GLI3: variants seen among roughly 807,000 people sequenced by gnomAD.
The protein encoded by GLI3 is transcription activator GLI3.
GLI3 carries 20 observed loss-of-function variants against 100.8 expected under a neutral mutation model. That is an observed-to-expected ratio of 0.20 (90% confidence interval 0.14 to 0.29). The LOEUF (loss-of-function observed/expected upper bound fraction) is 0.29. Ranked by LOEUF, GLI3 falls within the 10% of genes least tolerant of loss-of-function variation. The probability of loss-of-function intolerance (pLI) is 1.00; values close to 1 mark genes in which losing one functional copy is unlikely to be tolerated. For synonymous variants in GLI3, 938 were observed against 860.5 expected (o/e 1.09, Z -1.58); for missense variants, 2,040 against 2,128.5 (o/e 0.96, Z 0.82).
chr7:42,114,770 C>T lies in GLI3; in HGVS notation c.367+33456G>A, dbSNP rs868804501. The stretch of plus-strand genomic sequence containing the variant: ...AGGCTGGAGTGCAGTGGTGTGATCT[C>T]GGCTCACTGCAACCTCCGCCTCCCA... On this transcript the variant is annotated intron_variant, in intron 3 of 14. Coordinates refer to ENST00000395925, the MANE Select transcript of GLI3 (RefSeq NM_000168.6). Among the ~76,000 whole-genome samples the T allele has an allele frequency of 3.3e-5, 5 of 151,892 alleles. 1 individual carries two copies. Among genetic ancestry groups the T allele is most frequent in the African/African-American group, 4.8e-5 (2 of 41,326 alleles).
At chr7:41,997,353 A>G (rs187422874) in intron 10 of GLI3, among the ~76,000 whole-genome samples, 1 of 152,254 alleles carries the variant, frequency 6.6e-6, no homozygotes, top group Non-Finnish European at 1.5e-5. Context: ...GCTGGACTTT[A>G]CCAACTTTGC....
At chr7:42,144,768 A>G (rs1786661419) in intron 3 of GLI3, among the ~76,000 whole-genome samples, 1 of 152,196 alleles carries the variant, frequency 6.6e-6, no homozygotes, top group African/African-American at 2.4e-5. Context: ...AGAAACACAA[A>G]TTAGGCATCT....
intron 3 of GLI3, among the ~76,000 whole-genome samples, chr7:42,087,984 C>T (rs550849214): frequency 1.3e-5 from 2 of 152,270 alleles, no homozygotes; most frequent in Non-Finnish European, 2.9e-5. Context: ...CACGACATGG[C>T]TTCCTTGAAA....
intron 10 of GLI3, among the ~76,000 whole-genome samples, chr7:42,003,190 A>C (rs1788357965): frequency 6.6e-6 from 1 of 152,250 alleles, no homozygotes; most frequent in South Asian, 2.1e-4. Context: ...GAAATATCAA[A>C]AGAAAGAAGA....
intron 2 of GLI3, among the ~76,000 whole-genome samples, chr7:42,195,047 A>G (rs530795512): frequency 1.2e-3 from 189 of 152,156 alleles, no homozygotes; most frequent in Admixed American, 1.7e-3. Flanking sequence ...GATTACAGGC[A>G]TGAGCCACTG....
intron 7 of GLI3, among the ~76,000 whole-genome samples, chr7:42,039,621 T>C (rs1784088709): frequency 6.6e-6 from 1 of 152,234 alleles, no homozygotes; most frequent in Non-Finnish European, 1.5e-5. Context: ...TTCAGAGTTG[T>C]AGGACAAGAC....
At chr7:42,147,749 A>C (rs1157163330) in intron 3 of GLI3, among the ~76,000 whole-genome samples, 1 of 152,164 alleles carries the variant, frequency 6.6e-6, no homozygotes, top group Non-Finnish European at 1.5e-5. Flanking sequence ...AGATTTGTTA[A>C]AAGAGGTTTG....
intron 2 of GLI3, chr7:42,172,791 A>G (rs1320294773): frequency 3.3e-6 from 2 of 598,670 alleles, no homozygotes; most frequent in Non-Finnish European, 6.0e-6. Flanking sequence ...TTAACAAAGC[A>G]CAAGCCATTT....
chr7:42,253,642 CTG>C (rs1465647238), intron 1 of GLI3, among the ~76,000 whole-genome samples: 6 of 152,224 alleles, frequency 3.9e-5, no homozygotes, highest in Admixed American at 6.5e-5. Flanking sequence ...TCTTCCCACT[CTG>C]TGTCTTTTGG....
At chr7:42,250,075 AC>A (rs1789015816) in intron 1 of GLI3, among the ~76,000 whole-genome samples, 1 of 151,360 alleles carries the variant, frequency 6.6e-6, no homozygotes, top group Non-Finnish European at 1.5e-5. Flanking sequence ...ATCCTGGGTG[AC>A]AGAGCAAGAC....
intron 6 of GLI3, among the ~76,000 whole-genome samples, chr7:42,045,133 C>T (rs1018374501): frequency 2.6e-5 from 4 of 152,108 alleles, no homozygotes; most frequent in East Asian, 1.9e-4. Context: ...ATTTATATAT[C>T]GCTGTCAATT....
In GLI3 at chr7:41,967,652, C is replaced by T. The variant is rs546878700; in HGVS notation, c.2375G>A (p.Arg792Gln). 4.9e-5 allele frequency: 79 copies of T among 1,614,022 alleles called. No individual in the cohort carries two copies. The highest frequency in any genetic ancestry group is 5.8e-5 in the Non-Finnish European group (68 of 1,179,976). Residue 792 changes from arginine to glutamine, a missense_variant, in exon 14 of 15, where the codon CGA becomes CAA. Transcript: ENST00000395925. ...TTTAGGGGGTAGAATGGGGTTCAGTCGCGGAAACATTCCATTCACTTGTTT... is the reference window on the plus strand; with the variant it reads ...TTTAGGGGGTAGAATGGGGTTCAGTTGCGGAAACATTCCATTCACTTGTTT... Reference protein sequence around the residue: ...RLKQVNGMFPRLNPILPPKAP... With the variant: ...RLKQVNGMFPQLNPILPPKAP...
chr7:42,054,189 T>C (rs1365100815), intron 4 of GLI3, among the ~76,000 whole-genome samples: 1 of 152,250 alleles, frequency 6.6e-6, no homozygotes, highest in East Asian at 1.9e-4. Context: ...GAGTAGAAGA[T>C]TCTTATCAGA....
At chr7:42,023,911 A>C (rs1011151426) in intron 9 of GLI3, among the ~76,000 whole-genome samples, 1 of 152,226 alleles carries the variant, frequency 6.6e-6, no homozygotes, top group African/African-American at 2.4e-5. Flanking sequence ...TCTAAAAAAA[A>C]ACCCAAAACA....
chr7:42,118,715 G>T (rs1292596124), intron 3 of GLI3, among the ~76,000 whole-genome samples: 21 of 152,138 alleles, frequency 1.4e-4, no homozygotes, highest in Non-Finnish European at 2.9e-5. Flanking sequence ...CAGCCAGGGG[G>T]CCCAGTGGCC....
intron 2 of GLI3, among the ~76,000 whole-genome samples, chr7:42,205,436 C>T (rs781478764): frequency 4.3e-4 from 66 of 152,204 alleles, no homozygotes; most frequent in Non-Finnish European, 7.9e-4. Flanking sequence ...CCTCAACCCA[C>T]TCCTAATCCT....
chr7:42,009,343 C>G lies in GLI3; in HGVS notation c.1497+14125G>C, dbSNP rs551983243. Among the ~76,000 whole-genome samples the G allele has an allele frequency of 2.6e-5, 4 of 152,200 alleles. No homozygotes were observed. In the South Asian group the frequency reaches 8.3e-4, roughly 32 times the overall value. On this transcript the variant is annotated intron_variant, in intron 10 of 14. Coordinates refer to ENST00000395925, the MANE Select transcript of GLI3 (RefSeq NM_000168.6). Reference sequence around the variant, plus strand: ...CATTTTATCTTATAACAGGACAACACGTTTATGATAATAAAAATAGAGTTT... The same window carrying G: ...CATTTTATCTTATAACAGGACAACAGGTTTATGATAATAAAAATAGAGTTT...
At position 42,033,546 on chromosome 7, in the gene GLI3, T is replaced by C. The variant is rs77348258; in HGVS notation, c.1028+6492A>G. Among the ~76,000 whole-genome samples, 884 of 152,188 alleles carry C rather than the reference T, an allele frequency of 5.8e-3. 7 individuals carry two copies. Among genetic ancestry groups the C allele is most frequent in the Middle Eastern group, 0.014 (4 of 294 alleles). ...AGTCAGGCAACAGGAACCACTGAGA[T>C]GACATGGTACCAGAATGTGAGAAAC... On this transcript the variant is annotated intron_variant, in intron 7 of 14. Transcript: ENST00000395925.
chr7:42,247,684 G>T (rs1234847250), intron 1 of GLI3, among the ~76,000 whole-genome samples: 1 of 152,222 alleles, frequency 6.6e-6, no homozygotes, highest in Non-Finnish European at 1.5e-5. Flanking sequence ...CACTGACCCT[G>T]CCATGGGCAG....
Sources: gnomAD v4.1 joint callset for allele counts (sites outside exome capture counted in the v4.1 genomes callset) on GRCh38, gnomAD v4.1.1 for gene constraint, MANE v1.5 for transcripts, NCBI Gene and HGNC (gene_info 2026-07-23, HGNC 2026-07-21) for gene names.